Variants in SNAP47 observed in about 807,000 individuals in gnomAD.
SNAP47 encodes synaptosome associated protein 47, also known as synaptosomal-associated protein 47.
Under a neutral mutation model 31.4 loss-of-function variants are expected in SNAP47, and 20 were observed. That is an observed-to-expected ratio of 0.64 (90% confidence interval 0.45 to 0.93). The LOEUF (loss-of-function observed/expected upper bound fraction) is 0.93. Ranked by LOEUF, SNAP47 falls within the 40% of genes least tolerant of loss-of-function variation. SNAP47 has a pLI of 0.00. For synonymous variants in SNAP47, 194 were observed against 213.4 expected, an observed-to-expected ratio of 0.91 and a Z score of 0.79; for missense variants, 492 against 528.5, an observed-to-expected ratio of 0.93 and a Z score of 0.68.
chr1:227,763,232 G>C lies in SNAP47; in HGVS notation c.989-3727G>C, dbSNP rs1275347367. On this transcript the variant is annotated intron_variant, in intron 3 of 4. Transcript: ENST00000617596. The surrounding 1 kb of genome is among the most constrained non-coding windows in gnomAD (Gnocchi z 4.2). ...AGCCTCCCAGAGTGCTGGGATTTCA[G>C]GCGTGAGCCTCTACCCTGCTGTGCA... 6.6e-6 allele frequency among the ~76,000 whole-genome samples: 1 copy of C among 152,168 alleles called. No homozygotes were observed. The highest frequency in any genetic ancestry group is 1.5e-5 in the Non-Finnish European group (1 of 68,038).
In SNAP47 at chr1:227,735,479, G is replaced by C; in HGVS notation, c.-66G>C. 7.0e-7 allele frequency: 1 copy of C among 1,427,558 alleles called. No individual in the cohort carries two copies. The highest frequency in any genetic ancestry group is 9.1e-7 in the Non-Finnish European group (1 of 1,101,190). 88.4% of individuals were successfully genotyped at this position (1,427,558 alleles called of 1,614,324 possible). ...GCCGAGGCGCCGCGGTCGGCTCTGG[G>C]ACTCGTCTGGCGTCCCTCAGGTGAG... On this transcript the variant is annotated 5_prime_UTR_variant, in exon 1 of 5. Transcript: ENST00000617596.
intron 1 of SNAP47, among the ~76,000 whole-genome samples, chr1:227,737,081 G>T (rs1449539490): frequency 6.6e-6 from 1 of 152,232 alleles, no homozygotes; most frequent in Non-Finnish European, 1.5e-5. Context: ...AAAACCTGTG[G>T]TTGGGGCACA....
In SNAP47 at chr1:227,747,474, G is replaced by T. The variant is rs574521232; in HGVS notation, c.-45-218G>T. ...ATGGGCATAAGTCTGGGACTCAGGG[G>T]TCCTGGTTCCAAACCAGCCCTCCTG... is the stretch of plus-strand genomic sequence containing the variant. On this transcript the variant is annotated intron_variant, in intron 1 of 4. Transcript: ENST00000617596. Among the ~76,000 whole-genome samples the T allele has an allele frequency of 2.0e-5, 3 of 152,272 alleles. No homozygotes were observed. In the Middle Eastern group the frequency reaches 0.01, roughly 518 times the overall value.
intron 4 of SNAP47, among the ~76,000 whole-genome samples, chr1:227,769,401 ACTGT>A (rs974748033): frequency 2.6e-5 from 4 of 151,948 alleles, no homozygotes; most frequent in Non-Finnish European, 5.9e-5. Flanking sequence ...TTCACAGGAG[ACTGT>A]CTTTTTGAGG....
intron 4 of SNAP47, among the ~76,000 whole-genome samples, chr1:227,767,411 A>G (rs545623768): frequency 2.0e-5 from 3 of 151,108 alleles, no homozygotes; most frequent in African/African-American, 7.4e-5. Flanking sequence ...GTGCATGTAC[A>G]TGTGCATGCT....
At position 227,780,531 on chromosome 1, in the gene SNAP47, TGAG is replaced by T. The variant is rs1231680166; in HGVS notation, c.1124_1126del (p.Arg375del). On this transcript the variant is annotated inframe_deletion, in exon 5 of 5. Coordinates refer to ENST00000617596, the MANE Select transcript of SNAP47 (RefSeq NM_053052.4). ...TGATCTTGTGCTTCTCCCCAGATCC[TGAG>T]GAGGATGAAGGGGCTGGCCCTGGAG... The T allele has an allele frequency of 6.2e-7, 1 of 1,613,940 alleles. No homozygotes were observed. Among genetic ancestry groups the T allele is most frequent in the East Asian group, 2.2e-5 (1 of 44,876 alleles).
chr1:227,734,591 C>T, upstream of SNAP47: 1 of 1,563,872 alleles, frequency 6.4e-7, no homozygotes. Context: ...ATCAGAAAGG[C>T]CTCTGGGTTC....
intron 1 of SNAP47, chr1:227,744,030 G>A (rs1488270849): frequency 6.6e-6 from 1 of 152,216 alleles, no homozygotes; most frequent in African/African-American, 2.4e-5. Flanking sequence ...GTGGTATCAC[G>A]TGTCCTCTCT....
chr1:227,770,685 C>G (rs924594142), intron 4 of SNAP47: 2 of 154,800 alleles, frequency 1.3e-5, no homozygotes, highest in African/African-American at 4.8e-5. Context: ...TCTGTGTCCT[C>G]TCCTAGTCAG....
upstream of SNAP47, chr1:227,733,091 C>A: frequency 1.3e-6 from 2 of 1,566,336 alleles, no homozygotes; most frequent in South Asian, 1.1e-5. Flanking sequence ...CAACCCACAT[C>A]TCCTGCGCCA....
intron 1 of SNAP47, among the ~76,000 whole-genome samples, chr1:227,742,063 G>T (rs1401264692): frequency 6.7e-6 from 1 of 150,354 alleles, no homozygotes; most frequent in East Asian, 1.9e-4. Flanking sequence ...AAGTTTTAGG[G>T]TACGTGTGCA....
chr1:227,776,286 T>G, intron 4 of SNAP47: 2 of 1,008,616 alleles, frequency 2.0e-6, no homozygotes, highest in Non-Finnish European at 2.4e-6. Flanking sequence ...TGGATTGTAC[T>G]GTCCTTCAAG....
intron 2 of SNAP47, among the ~76,000 whole-genome samples, chr1:227,751,130 T>G (rs75191289): frequency 0.1 from 15,225 of 152,236 alleles, 818 homozygotes; most frequent in Middle Eastern, 0.21. Flanking sequence ...CTGGGCCCCT[T>G]TAGTGCTCCC....
chr1:227,738,008 T>G (rs1399318874), intron 1 of SNAP47, among the ~76,000 whole-genome samples: 1 of 151,966 alleles, frequency 6.6e-6, no homozygotes, highest in Non-Finnish European at 1.5e-5. Flanking sequence ...TTGCTTTGGT[T>G]TTTTTTGGTT....
At chr1:227,775,554 C>T (rs1450277208) in intron 4 of SNAP47, among the ~76,000 whole-genome samples, 2 of 152,174 alleles carry the variant, frequency 1.3e-5, no homozygotes, top group Non-Finnish European at 2.9e-5. Flanking sequence ...CAAGGCCGTG[C>T]GTGCCTCTGG....
At chr1:227,767,740 TGTGCATGTGC>T (rs1383538907) in intron 4 of SNAP47, among the ~76,000 whole-genome samples, 2 of 152,338 alleles carry the variant, frequency 1.3e-5, no homozygotes, top group East Asian at 3.9e-4. Context: ...CTGTGTGTGC[TGTGCATGTGC>T]GTGCATGTGT....
chr1:227,777,215 GT>G (rs1664213818), intron 4 of SNAP47: 1 of 531,090 alleles, frequency 1.9e-6, no homozygotes, highest in African/African-American at 2.1e-5. Flanking sequence ...ACGTAGTGAA[GT>G]TTTCCATACA....
At chr1:227,772,343 C>G (rs1356449227) in intron 4 of SNAP47, among the ~76,000 whole-genome samples, 1 of 151,570 alleles carries the variant, frequency 6.6e-6, no homozygotes, top group Non-Finnish European at 1.5e-5. Flanking sequence ...TCTGCCCCAG[C>G]CCCCCGCCCA....
intron 3 of SNAP47, among the ~76,000 whole-genome samples, chr1:227,760,882 A>G (rs1479702870): frequency 6.6e-6 from 1 of 152,220 alleles, no homozygotes; most frequent in African/African-American, 2.4e-5. Flanking sequence ...CCTCCCTTAC[A>G]GAAATCTTTT....
Sources: allele counts gnomAD v4.1 joint callset (sites outside exome capture counted in the v4.1 genomes callset), GRCh38; gene constraint gnomAD v4.1.1; non-coding constraint Gnocchi (gnomAD v3.1); transcripts MANE v1.5; gene names NCBI Gene and HGNC (gene_info 2026-07-23, HGNC 2026-07-21).